Variants in BHLHE22 observed in about 807,000 individuals in gnomAD.
The protein encoded by BHLHE22 is class E basic helix-loop-helix protein 22.
Under a neutral mutation model 17.6 loss-of-function variants are expected in BHLHE22, and 8 were observed. The ratio of observed to expected loss-of-function variants is 0.45; its 90% confidence interval spans 0.27 to 0.82. The LOEUF (loss-of-function observed/expected upper bound fraction) is 0.82, where lower values mean the gene tolerates loss of function less well. Among genes scored for constraint, BHLHE22 ranks in the 40% least tolerant of loss-of-function variants. The probability of loss-of-function intolerance (pLI) is 0.16; values close to 1 mark genes in which losing one functional copy is unlikely to be tolerated. For missense variants in BHLHE22, 570 were observed against 581.5 expected, an observed-to-expected ratio of 0.98 and a Z score of 0.20; for synonymous variants, 353 against 282.7, an observed-to-expected ratio of 1.25 and a Z score of -2.49.
rs1010931537 is a variant in BHLHE22, at chr8:64,582,356, G to A, written c.*420G>A. The A allele has an allele frequency of 9.2e-6, 2 of 216,662 alleles. No homozygotes were observed. Among genetic ancestry groups the A allele is most frequent in the East Asian group, 1.8e-4 (1 of 5,610 alleles). The allele number at this position is 216,662 out of a possible 1,614,324, so 13.4% of individuals were successfully genotyped here. Reference sequence around the variant, plus strand: ...TAATTGTGGATTTGGCTAGTGCTGAGGGGGAGAGGAGGGGTTAGGGGTTGG... The same window carrying A: ...TAATTGTGGATTTGGCTAGTGCTGAAGGGGAGAGGAGGGGTTAGGGGTTGG... On this transcript the variant is annotated 3_prime_UTR_variant, in exon 1 of 1. Transcript: ENST00000321870.
In BHLHE22 at chr8:64,580,684, C is replaced by A; in HGVS notation, c.-107C>A. 4.7e-6 allele frequency: 3 copies of A among 635,054 alleles called. No individual in the cohort carries two copies. Among genetic ancestry groups the A allele is most frequent in the Non-Finnish European group, 2.0e-6 (1 of 507,976 alleles). 39.3% of individuals were successfully genotyped at this position (635,054 alleles called of 1,614,324 possible). On this transcript the variant is annotated 5_prime_UTR_variant, in exon 1 of 1. Transcript: ENST00000321870. Reference sequence around the variant, plus strand: ...GCACCAGGACCGACGCGCGCACCAGCTCCGGAGCCCAGCTCGCGCGCGTCT... The same window carrying A: ...GCACCAGGACCGACGCGCGCACCAGATCCGGAGCCCAGCTCGCGCGCGTCT...
chr8:64,581,454 G>GGCAGCGGCAGCA lies in BHLHE22; in HGVS notation c.672_673insAGCAGCAGCGGC (p.Gly224_Gly225insSerSerSerGly), dbSNP rs1804899187. On this transcript the variant is annotated inframe_insertion, in exon 1 of 1. Coordinates refer to ENST00000321870, the MANE Select transcript of BHLHE22 (RefSeq NM_152414.5). The surrounding 1 kb of genome is among the most constrained non-coding windows in gnomAD (Gnocchi z 6.4). ...TGGCGGCGGTGGCGGTAGCGGTAGC[G>GGCAGCGGCAGCA]GCAGCGGCGGCAGCAGCAGCAGCAG... 3 of 1,537,990 alleles carry GGCAGCGGCAGCA rather than the reference G, an allele frequency of 2.0e-6. No homozygotes were observed. Among genetic ancestry groups the GGCAGCGGCAGCA allele is most frequent in the Non-Finnish European group, 2.6e-6 (3 of 1,147,520 alleles).
chr8:64,580,507 G>T lies in BHLHE22; in HGVS notation c.-284G>T. 6.5e-6 allele frequency: 1 copy of T among 153,792 alleles called. No individual in the cohort carries two copies. Among genetic ancestry groups the T allele is most frequent in the South Asian group, 1.8e-4 (1 of 5,440 alleles). The allele number at this position is 153,792 out of a possible 1,614,324, so 9.5% of individuals were successfully genotyped here. A position where few individuals can be genotyped will look rare whatever the true frequency, so the allele number is the denominator to read the frequency against. On this transcript the variant is annotated 5_prime_UTR_variant, in exon 1 of 1. Coordinates refer to ENST00000321870, the MANE Select transcript of BHLHE22 (RefSeq NM_152414.5). ...CGGCGGCGGCGGCTCCACTCCCTCC[G>T]CGCCCACCCTCCCACCATGCGGGGC...
At position 64,582,162 on chromosome 8, in the gene BHLHE22, T is replaced by C; in HGVS notation, c.*226T>C. ...GGAGGGAGGGAGGAGGGAGGTGGAGTTGGGATGGAGTATGGATGTCTTTTT... is the reference window on the plus strand; with the variant it reads ...GGAGGGAGGGAGGAGGGAGGTGGAGCTGGGATGGAGTATGGATGTCTTTTT... On this transcript the variant is annotated 3_prime_UTR_variant, in exon 1 of 1. Transcript: ENST00000321870. The C allele has an allele frequency of 6.5e-6, 4 of 610,786 alleles. No homozygotes were observed. The highest frequency in any genetic ancestry group is 1.1e-5 in the Non-Finnish European group (4 of 350,018). The allele number at this position is 610,786 out of a possible 1,614,324, so 37.8% of individuals were successfully genotyped here.
chr8:64,581,072 C>CGGA lies in BHLHE22; in HGVS notation c.284_285insAGG (p.Gly97dup). 7.6e-7 allele frequency: 1 copy of CGGA among 1,324,390 alleles called. No homozygotes were observed. Among genetic ancestry groups the CGGA allele is most frequent in the Non-Finnish European group, 9.6e-7 (1 of 1,046,960 alleles). 82.0% of individuals were successfully genotyped at this position (1,324,390 alleles called of 1,614,324 possible). On this transcript the variant is annotated inframe_insertion, in exon 1 of 1. Transcript: ENST00000321870. This position sits in a 1 kb window ranked among gnomAD's most constrained non-coding sequence, Gnocchi z 6.4. ...GCAGCGCGGGAAGTGGCGGCGGCGG[C>CGGA]GGCGGCGGGGTGGGTGTCCCCGGGC...
chr8:64,580,813 G>C lies in BHLHE22; in HGVS notation c.23G>C (p.Gly8Ala). ...ACCATGGAGCGCGGGATGCACCTCG[G>C]TGCAGCGGCCGCCGGCGAGGACGAC... is the stretch of plus-strand genomic sequence containing the variant. MERGMHLGAAAAGEDDLF... is the reference protein window; with the variant it reads MERGMHLAAAAAGEDDLF... Residue 8 changes from glycine to alanine, a missense_variant, in exon 1 of 1, where the codon GGT (glycine) becomes GCT (alanine). Physicochemically the swap from Gly to Ala is moderately conservative, Grantham distance 60. Around this residue, in one of 3 missense-constraint regions of BHLHE22, gnomAD observed 427 missense variants for 376.2 expected, o/e 1.14. Coordinates refer to ENST00000321870, the MANE Select transcript of BHLHE22 (RefSeq NM_152414.5). 1 of 1,439,798 alleles carries C rather than the reference G, an allele frequency of 6.9e-7. No homozygotes were observed. Among genetic ancestry groups the C allele is most frequent in the Non-Finnish European group, 9.1e-7 (1 of 1,099,214 alleles). The allele number at this position is 1,439,798 out of a possible 1,614,324, so 89.2% of individuals were successfully genotyped here.
At position 64,580,872 on chromosome 8, in the gene BHLHE22, T is replaced by G. The variant is rs7016250; in HGVS notation, c.82T>G (p.Ser28Ala). ...GCACAAGAGCCTGAGCGCCTCCACC[T>G]CCAAGCGCTTGGAAGCGGCTTTCCG... Reference protein sequence around the residue: ...FLHKSLSASTSKRLEAAFRST... With the variant: ...FLHKSLSASTAKRLEAAFRST... Residue 28 changes from serine to alanine, a missense_variant, in exon 1 of 1, where the codon TCC (serine) becomes GCC (alanine). Physicochemically the swap from Ser to Ala is moderately conservative, Grantham distance 99. Coordinates refer to ENST00000321870, the MANE Select transcript of BHLHE22 (RefSeq NM_152414.5). 0.32 allele frequency: 480,297 copies of G among 1,510,992 alleles called. 86,848 individuals are homozygous for G. Among genetic ancestry groups the G allele is most frequent in the African/African-American group, 0.72 (49,874 of 69,284 alleles). 93.6% of individuals were successfully genotyped at this position (1,510,992 alleles called of 1,614,324 possible). A position where few individuals can be genotyped will look rare whatever the true frequency, so the allele number is the denominator to read the frequency against.
chr8:64,581,609 C>T lies in BHLHE22; in HGVS notation c.819C>T (p.His273=), dbSNP rs367611107. ...DELRAVIPYA[H]SPSVRKLSKI... Reference sequence around the variant, plus strand: ...TGCGCGCGGTGATCCCCTACGCGCACAGCCCCTCGGTGCGAAAGCTCTCCA... The same window carrying T: ...TGCGCGCGGTGATCCCCTACGCGCATAGCCCCTCGGTGCGAAAGCTCTCCA... The change falls in exon 1 of 1, where the codon CAC becomes CAT. Residue 273 remains histidine (H), a synonymous_variant. Transcript: ENST00000321870. The surrounding 1 kb of genome is among the most constrained non-coding windows in gnomAD (Gnocchi z 6.4). 1.9e-6 allele frequency: 3 copies of T among 1,613,108 alleles called. No homozygotes were observed. Among genetic ancestry groups the T allele is most frequent in the Non-Finnish European group, 2.5e-6 (3 of 1,179,872 alleles).
In BHLHE22 at chr8:64,581,729, C is replaced by T. The variant is rs1471167585; in HGVS notation, c.939C>T (p.Gly313=). 6.2e-7 allele frequency: 1 copy of T among 1,603,898 alleles called. No individual in the cohort carries two copies. The highest frequency in any genetic ancestry group is 8.5e-7 in the Non-Finnish European group (1 of 1,176,588). The change falls in exon 1 of 1, where the codon GGC becomes GGT. Residue 313 remains glycine (G), a synonymous_variant. Transcript: ENST00000321870. This position sits in a 1 kb window ranked among gnomAD's most constrained non-coding sequence, Gnocchi z 6.4. The part of the protein sequence containing the change: ...MRRLVAYLNQ[G]QAISAASLPS... The stretch of plus-strand genomic sequence containing the variant: ...GCCTAGTCGCCTACCTCAACCAGGG[C>T]CAGGCCATCTCGGCTGCCTCCCTGC...
Position 64,582,924 on chromosome 8 carries a change from T to C in BHLHE22, c.*988T>C, listed in dbSNP as rs1192864894. 1 of 166,998 alleles carries C rather than the reference T, an allele frequency of 6.0e-6. No homozygotes were observed. The highest frequency in any genetic ancestry group is 1.5e-5 in the Non-Finnish European group (1 of 68,118). 10.3% of individuals were successfully genotyped at this position (166,998 alleles called of 1,614,324 possible). ...CTGCTTAGGTTTATGAAAGGTCACC[T>C]GGATATTTTCAGTTGCATCATCCCT... On this transcript the variant is annotated 3_prime_UTR_variant, in exon 1 of 1. Coordinates refer to ENST00000321870, the MANE Select transcript of BHLHE22 (RefSeq NM_152414.5).
rs770721497 is a variant in BHLHE22 at position 64,581,805 on chromosome 8, G to A, written c.1015G>A (p.Gly339Ser). 6.3e-7 allele frequency: 1 copy of A among 1,592,812 alleles called. No homozygotes were observed. Among genetic ancestry groups the A allele is most frequent in the Non-Finnish European group, 8.5e-7 (1 of 1,173,408 alleles). ...AAAAALHPALGAYEQAAGYPF... is the reference protein window; with the variant it reads ...AAAAALHPALSAYEQAAGYPF... Reference sequence around the variant, plus strand: ...AGCTGCTGCCCTGCACCCGGCGCTCGGCGCCTACGAGCAGGCAGCCGGCTA... The same window carrying A: ...AGCTGCTGCCCTGCACCCGGCGCTCAGCGCCTACGAGCAGGCAGCCGGCTA... Residue 339 changes from glycine (G) to serine (S), a missense_variant, in exon 1 of 1, where the codon GGC (glycine) becomes AGC (serine). Coordinates refer to ENST00000321870, the MANE Select transcript of BHLHE22 (RefSeq NM_152414.5). This position sits in a 1 kb window ranked among gnomAD's most constrained non-coding sequence, Gnocchi z 6.4.
rs149807563 is a variant in BHLHE22 at position 64,581,624 on chromosome 8, A to T, written c.834A>T (p.Arg278=). ...CCTACGCGCACAGCCCCTCGGTGCG[A>T]AAGCTCTCCAAGATCGCCACGCTGC... is the stretch of plus-strand genomic sequence containing the variant. ...VIPYAHSPSV[R]KLSKIATLLL... is the part of the protein sequence containing the mutation. Residue 278 remains arginine (R), a synonymous_variant, in exon 1 of 1, where the codon CGA becomes CGT. Coordinates refer to ENST00000321870, the MANE Select transcript of BHLHE22 (RefSeq NM_152414.5). The surrounding 1 kb of genome is among the most constrained non-coding windows in gnomAD (Gnocchi z 6.4). 167 of 1,613,180 alleles carry T rather than the reference A, an allele frequency of 1.0e-4. No homozygotes were observed. The highest frequency in any genetic ancestry group is 1.4e-4 in the Non-Finnish European group (164 of 1,179,876).
Position 64,582,682 on chromosome 8 carries a change from A to G in BHLHE22, c.*746A>G, listed in dbSNP as rs533294734. 6.0e-6 allele frequency: 1 copy of G among 166,978 alleles called. No individual in the cohort carries two copies. The highest frequency in any genetic ancestry group is 2.4e-5 in the African/African-American group (1 of 41,406). The allele number at this position is 166,978 out of a possible 1,614,324, so 10.3% of individuals were successfully genotyped here. On this transcript the variant is annotated 3_prime_UTR_variant, in exon 1 of 1. Transcript: ENST00000321870. ...ATTTATGTGCACCTTGTTACTTTCT[A>G]CTCTGCAATGATGTATTAACAATTC... is the stretch of plus-strand genomic sequence containing the variant.
In BHLHE22 at chr8:64,583,551, G is replaced by C. The variant is rs1804934317; in HGVS notation, c.*1615G>C. 2 of 167,056 alleles carry C rather than the reference G, an allele frequency of 1.2e-5. No individual in the cohort carries two copies. 10.3% of individuals were successfully genotyped at this position (167,056 alleles called of 1,614,324 possible). A position where few individuals can be genotyped will look rare whatever the true frequency, so the allele number is the denominator to read the frequency against. On this transcript the variant is annotated 3_prime_UTR_variant, in exon 1 of 1. Coordinates refer to ENST00000321870, the MANE Select transcript of BHLHE22 (RefSeq NM_152414.5). Reference sequence around the variant, plus strand: ...ATATATATATTAAATAGGTCAATCAGACTATGACAGCTATGTACGACCATT... The same window carrying C: ...ATATATATATTAAATAGGTCAATCACACTATGACAGCTATGTACGACCATT...
Position 64,580,698 on chromosome 8 carries a change from TCG to T in BHLHE22, c.-86_-85del. On this transcript the variant is annotated 5_prime_UTR_variant, in exon 1 of 1. An upstream open reading frame in the 5' UTR loses its in-frame stop. Coordinates refer to ENST00000321870, the MANE Select transcript of BHLHE22 (RefSeq NM_152414.5). ...GCGCGCACCAGCTCCGGAGCCCAGC[TCG>T]CGCGCGTCTGTGGGGCCGCCTGACT... 2 of 781,174 alleles carry T rather than the reference TCG, an allele frequency of 2.6e-6. 1 individual carries two copies. The highest frequency in any genetic ancestry group is 1.1e-4 in the South Asian group (2 of 17,738). The allele number at this position is 781,174 out of a possible 1,614,324, so 48.4% of individuals were successfully genotyped here.
Position 64,580,872 on chromosome 8 carries a change from T to A in BHLHE22, c.82T>A (p.Ser28Thr), listed in dbSNP as rs7016250. ...GCACAAGAGCCTGAGCGCCTCCACC[T>A]CCAAGCGCTTGGAAGCGGCTTTCCG... ...FLHKSLSASTSKRLEAAFRST... is the reference protein window; with the variant it reads ...FLHKSLSASTTKRLEAAFRST... The change falls in exon 1 of 1, where the codon TCC becomes ACC. Residue 28 changes from serine to threonine, a missense_variant. This residue lies in a region of BHLHE22 where 427 missense variants were observed against 376.2 expected (regional missense o/e 1.14). Coordinates refer to ENST00000321870, the MANE Select transcript of BHLHE22 (RefSeq NM_152414.5). The A allele has an allele frequency of 6.6e-7, 1 of 1,513,994 alleles. No homozygotes were observed. The allele number at this position is 1,513,994 out of a possible 1,614,324, so 93.8% of individuals were successfully genotyped here.
Position 64,581,466 on chromosome 8 carries a change from A to G in BHLHE22, c.676A>G (p.Ser226Gly), listed in dbSNP as rs62519837. The stretch of plus-strand genomic sequence containing the variant: ...CGGTAGCGGTAGCGGCAGCGGCGGC[A>G]GCAGCAGCAGCAGCAGCAGCAGCAG... ...GGGSGSGSGG[S>G]SSSSSSSSKK... The change falls in exon 1 of 1, where the codon AGC (serine) becomes GGC (glycine). Residue 226 changes from serine (S) to glycine (G), a missense_variant. Physicochemically the swap from Ser to Gly is moderately conservative, Grantham distance 56. Transcript: ENST00000321870. The surrounding 1 kb of genome is among the most constrained non-coding windows in gnomAD (Gnocchi z 6.4). The G allele has an allele frequency of 1.4e-4, 176 of 1,226,604 alleles. No homozygotes were observed. The highest frequency in any genetic ancestry group is 4.5e-4 in the Admixed American group (20 of 44,612). The allele number at this position is 1,226,604 out of a possible 1,614,324, so 76.0% of individuals were successfully genotyped here.
rs1804877115 is a variant in BHLHE22 at position 64,580,780 on chromosome 8, G to GGCGCGGGACCATGGA, written c.-2_13dup. 7.4e-6 allele frequency: 9 copies of GGCGCGGGACCATGGA among 1,217,390 alleles called. No homozygotes were observed. The highest frequency in any genetic ancestry group is 1.6e-5 in the African/African-American group (1 of 62,032). 75.4% of individuals were successfully genotyped at this position (1,217,390 alleles called of 1,614,324 possible). A position where few individuals can be genotyped will look rare whatever the true frequency, so the allele number is the denominator to read the frequency against. ...GGCGCGGCGGCCCGGGCTGCGCGCC[G>GGCGCGGGACCATGGA]GCGCGGGACCATGGAGCGCGGGATG... On this transcript the variant is annotated 5_prime_UTR_variant, in exon 1 of 1. The change creates a new upstream start codon in the 5' untranslated region. Coordinates refer to ENST00000321870, the MANE Select transcript of BHLHE22 (RefSeq NM_152414.5).
rs765776454 is a variant in BHLHE22, at chr8:64,581,826, G to A, written c.1036G>A (p.Gly346Ser). 22 of 1,602,370 alleles carry A rather than the reference G, an allele frequency of 1.4e-5. No individual in the cohort carries two copies. Among genetic ancestry groups the A allele is most frequent in the South Asian group, 1.0e-4 (9 of 90,452 alleles). The change falls in exon 1 of 1, where the codon GGC becomes AGC. Residue 346 changes from glycine (G) to serine (S), a missense_variant. Gly to Ser is a moderately conservative substitution (Grantham distance 56). Around this residue, in one of 3 missense-constraint regions of BHLHE22, gnomAD observed 111 missense variants for 122.0 expected, o/e 0.91. Coordinates refer to ENST00000321870, the MANE Select transcript of BHLHE22 (RefSeq NM_152414.5). The surrounding 1 kb of genome is among the most constrained non-coding windows in gnomAD (Gnocchi z 6.4). ...GCTCGGCGCCTACGAGCAGGCAGCC[G>A]GCTACCCGTTCAGCGCCGGACTGCC... ...PALGAYEQAA[G>S]YPFSAGLPPA...
Sources: allele counts gnomAD v4.1 joint callset, GRCh38; gene constraint gnomAD v4.1.1; regional missense constraint gnomAD v4.1.1; non-coding constraint Gnocchi (gnomAD v3.1); transcripts MANE v1.5; gene names NCBI Gene and HGNC (gene_info 2026-07-23, HGNC 2026-07-21).